TERB1: variants seen among roughly 807,000 people sequenced by gnomAD.
The protein encoded by TERB1 is telomere repeats-binding bouquet formation protein 1.
Under a neutral mutation model 92.3 loss-of-function variants are expected in TERB1, and 63 were observed. The observed-to-expected ratio is 0.68, with a 90% CI of 0.56 to 0.84. TERB1 has a LOEUF of 0.84. Among genes scored for constraint, TERB1 ranks in the 40% least tolerant of loss-of-function variants. The pLI is 0.00. For synonymous variants in TERB1, 252 were observed against 283.9 expected (o/e 0.89, Z 1.13); for missense variants, 709 against 843.7 (o/e 0.84, Z 1.98).
At position 66,759,268 on chromosome 16, in the gene TERB1, G is replaced by C. The variant is rs2018189485; in HGVS notation, c.1803C>G (p.Ser601=). Residue 601 remains serine, a synonymous_variant, in exon 17 of 19, where the codon TCC becomes TCG. Coordinates refer to ENST00000433154, the MANE Select transcript of TERB1 (RefSeq NM_001136505.2). The part of the protein sequence containing the change: ...RCSGCIAVEK[S]LNSRNFSKLL... ...GCTTGCTAAAGTTTCGGCTATTCAG[G>C]GATTTTTCTACTGCTATGCAACCTA... The C allele has an allele frequency of 3.9e-6, 6 of 1,541,188 alleles. No homozygotes were observed. The highest frequency in any genetic ancestry group is 5.2e-6 in the Non-Finnish European group (6 of 1,144,466).
intron 13 of TERB1, among the ~76,000 whole-genome samples, chr16:66,771,437 T>C (rs531789579): frequency 4.6e-5 from 7 of 152,294 alleles, no homozygotes; most frequent in Non-Finnish European, 1.0e-4. Context: ...TATTATTTTC[T>C]CCATTTATCG....
At chr16:66,781,460 G>A (rs2018634741) in intron 9 of TERB1, among the ~76,000 whole-genome samples, 1 of 148,326 alleles carries the variant, frequency 6.7e-6, no homozygotes, top group African/African-American at 2.5e-5. Context: ...TAATCATCAG[G>A]TTGCTTTTGT....
chr16:66,768,236 G>GT (rs1305910259), intron 14 of TERB1, 68 bp from the exon 15 acceptor site: 2 of 1,224,990 alleles, frequency 1.6e-6, no homozygotes, highest in African/African-American at 3.1e-5. Context: ...CAATGTTTCT[G>GT]TAAGCAGTGT....
At chr16:66,771,922 A>C (rs958922526) in intron 13 of TERB1, among the ~76,000 whole-genome samples, 2 of 152,220 alleles carry the variant, frequency 1.3e-5, no homozygotes, top group African/African-American at 4.8e-5. Flanking sequence ...AAATATATTT[A>C]TATAAAGAGG....
In TERB1 at chr16:66,788,217, A is replaced by T. The variant is rs764587238; in HGVS notation, c.352T>A (p.Leu118Met). 1.1e-5 allele frequency: 17 copies of T among 1,513,238 alleles called. No individual in the cohort carries two copies. The highest frequency in any genetic ancestry group is 1.7e-4 in the Middle Eastern group (1 of 5,900). 93.7% of individuals were successfully genotyped at this position (1,513,238 alleles called of 1,614,324 possible). The change falls in exon 6 of 19, where the codon TTG becomes ATG. Residue 118 changes from leucine (L) to methionine (M), a missense_variant. By Grantham distance (15) the Leu-to-Met change is conservative. Transcript: ENST00000433154. ...ATAACATAAACAGACATTCTTTTCA[A>T]ATTTATGTTTGAATCATTAGATAAG... ...WFLSNDSNIN[L>M]KRMSVYVILV...
intron 5 of TERB1, among the ~76,000 whole-genome samples, chr16:66,789,623 A>T (rs142499654): frequency 2.8e-5 from 1 of 35,970 alleles, no homozygotes; most frequent in Non-Finnish European, 4.5e-5. Context: ...AAAAAAAAAA[A>T]AAAAAAAAAA....
At chr16:66,771,445 T>C (rs1230394857) in intron 13 of TERB1, among the ~76,000 whole-genome samples, 1 of 152,148 alleles carries the variant, frequency 6.6e-6, no homozygotes, top group Non-Finnish European at 1.5e-5. Context: ...TCTCCATTTA[T>C]CGATGATGAA....
intron 13 of TERB1, among the ~76,000 whole-genome samples, chr16:66,770,921 G>A (rs895843175): frequency 1.3e-5 from 2 of 152,030 alleles, no homozygotes; most frequent in Non-Finnish European, 2.9e-5. Flanking sequence ...CATGATCACA[G>A]CTCACTGCAG....
rs1010277172 is a variant in TERB1 at position 66,785,786 on chromosome 16, T to C, written c.700A>G (p.Thr234Ala). Reference sequence around the variant, plus strand: ...GACCTAGAAAATAACGAACACTTACTGTTATTTGCAAGAGTGAGTCCAATA... The same window carrying C: ...GACCTAGAAAATAACGAACACTTACCGTTATTTGCAAGAGTGAGTCCAATA... ...SFIGLTLANN[T>A]YVQKYFVSVG... Residue 234 changes from threonine (T) to alanine (A), a missense_variant and splice_region_variant, in exon 9 of 19, where the codon ACA becomes GCA. Transcript: ENST00000433154. The C allele has an allele frequency of 6.5e-7, 1 of 1,530,822 alleles. No individual in the cohort carries two copies. The highest frequency in any genetic ancestry group is 8.8e-7 in the Non-Finnish European group (1 of 1,137,068). The allele number at this position is 1,530,822 out of a possible 1,614,324, so 94.8% of individuals were successfully genotyped here.
chr16:66,775,507 A>G (rs554783171), intron 11 of TERB1, among the ~76,000 whole-genome samples: 15 of 152,110 alleles, frequency 9.9e-5, no homozygotes, highest in Non-Finnish European at 2.1e-4. Context: ...GGTGGCAGGC[A>G]CTTGTAATCC....
At chr16:66,781,198 G>C (rs1376900333) in intron 9 of TERB1, among the ~76,000 whole-genome samples, 3 of 152,014 alleles carry the variant, frequency 2.0e-5, no homozygotes, top group Non-Finnish European at 2.9e-5. Context: ...ACTAAAACAG[G>C]TGCATGCCAC....
Position 66,770,277 on chromosome 16 carries a change from A to C in TERB1, c.1305T>G (p.Asn435Lys), listed in dbSNP as rs1338687570. The C allele has an allele frequency of 6.5e-7, 1 of 1,548,362 alleles. No individual in the cohort carries two copies. The highest frequency in any genetic ancestry group is 1.2e-5 in the South Asian group (1 of 83,344). The change falls in exon 14 of 19, where the codon AAT (asparagine) becomes AAG (lysine). Residue 435 changes from asparagine (N) to lysine (K), a missense_variant. Transcript: ENST00000433154. ...GAATACTTATGTTCATAGATGAAAT[A>C]TTATCCTGATAGTTTTCTCTTTGTA... ...EEIQRENYQD[N>K]ISSMNISIQN...
chr16:66,754,791 A>G lies in TERB1; in HGVS notation c.*185T>C. ...AATTTTCTTACTAATCTGTACACTGATGATATATTTGCTTTATAAATCATT... is the reference window on the plus strand; with the variant it reads ...AATTTTCTTACTAATCTGTACACTGGTGATATATTTGCTTTATAAATCATT... On this transcript the variant is annotated 3_prime_UTR_variant, in exon 19 of 19. Coordinates refer to ENST00000433154, the MANE Select transcript of TERB1 (RefSeq NM_001136505.2). 1 of 592,748 alleles carries G rather than the reference A, an allele frequency of 1.7e-6. No homozygotes were observed. Among genetic ancestry groups the G allele is most frequent in the Non-Finnish European group, 2.9e-6 (1 of 342,294 alleles). The allele number at this position is 592,748 out of a possible 1,614,324, so 36.7% of individuals were successfully genotyped here.
intron 2 of TERB1, among the ~76,000 whole-genome samples, chr16:66,798,772 A>C (rs563294697): frequency 6.6e-6 from 1 of 152,298 alleles, no homozygotes; most frequent in Non-Finnish European, 1.5e-5. Flanking sequence ...ATTTTTCACA[A>C]TTTTTATAAT....
chr16:66,757,990 G>A (rs1395104989), intron 18 of TERB1, among the ~76,000 whole-genome samples: 2 of 152,124 alleles, frequency 1.3e-5, no homozygotes, highest in African/African-American at 2.4e-5. Context: ...AAGCACTATA[G>A]TTATGAACAA....
At position 66,755,616 on chromosome 16, in the gene TERB1, A is replaced by G. The variant is rs1311475068; in HGVS notation, c.1997-453T>C. On this transcript the variant is annotated intron_variant, in intron 18 of 18. Transcript: ENST00000433154. ...GTGGCAATAATCTCTCTCCACCAAA[A>G]ATACAAAAAGTAGCCAGGCATGGTG... Among the ~76,000 whole-genome samples, 4 of 151,976 alleles carry G rather than the reference A, an allele frequency of 2.6e-5. No individual in the cohort carries two copies. In the East Asian group the frequency reaches 7.7e-4, roughly 29 times the overall value.
intron 10 of TERB1, 108 bp downstream of exon 10, chr16:66,778,755 G>A (rs1288527374): frequency 8.8e-6 from 8 of 909,096 alleles, no homozygotes; most frequent in Non-Finnish European, 1.2e-5. Context: ...CCACCTGTGA[G>A]AAACTTAGTC....
At chr16:66,761,921 C>T (rs919730308) in intron 16 of TERB1, among the ~76,000 whole-genome samples, 1 of 152,136 alleles carries the variant, frequency 6.6e-6, no homozygotes, top group Non-Finnish European at 1.5e-5. Flanking sequence ...AGTGTATTGG[C>T]GCGCCCCTGT....
intron 7 of TERB1, 30 bp from the exon 8 acceptor site, chr16:66,786,159 T>C: frequency 1.3e-6 from 2 of 1,533,222 alleles, no homozygotes; most frequent in Non-Finnish European, 8.8e-7. Context: ...AGAAAGTAAA[T>C]TAATACAAAT....
Sources: allele counts gnomAD v4.1 joint callset (sites outside exome capture counted in the v4.1 genomes callset), GRCh38; gene constraint gnomAD v4.1.1; transcripts MANE v1.5; gene names NCBI Gene and HGNC (gene_info 2026-07-23, HGNC 2026-07-21).